The following PLCXD3 variants were observed in gnomAD, a reference collection of about 807,000 sequenced individuals.
PLCXD3 encodes phosphatidylinositol specific phospholipase C X domain containing 3.
PLCXD3 carries 19 observed loss-of-function variants against 25.5 expected under a neutral mutation model. The observed-to-expected ratio is 0.75, with a 90% CI of 0.52 to 1.09. The LOEUF (loss-of-function observed/expected upper bound fraction) is 1.09, where lower values mean the gene tolerates loss of function less well. Among genes scored for constraint, PLCXD3 ranks in the 50% least tolerant of loss-of-function variants. The probability of loss-of-function intolerance (pLI) is 0.00; values close to 1 mark genes in which losing one functional copy is unlikely to be tolerated. For synonymous variants in PLCXD3, 174 were observed against 137.6 expected, an observed-to-expected ratio of 1.26 and a Z score of -1.85; for missense variants, 411 against 388.1, an observed-to-expected ratio of 1.06 and a Z score of -0.50.
chr5:41,414,920 T>C (rs1410566411), intron 1 of PLCXD3, among the ~76,000 whole-genome samples: 1 of 152,222 alleles, frequency 6.6e-6, no homozygotes, highest in Non-Finnish European at 1.5e-5. Context: ...TATGCGATAA[T>C]GGCCTGAAAG....
Position 41,382,351 on chromosome 5 carries a change from T to A in PLCXD3, c.287A>T (p.Asp96Val). 6.2e-7 allele frequency: 1 copy of A among 1,613,426 alleles called. No homozygotes were observed. Among genetic ancestry groups the A allele is most frequent in the Non-Finnish European group, 8.5e-7 (1 of 1,179,694 alleles). ...GQLGAGIRYF[D>V]LRISTKPRDP... ...TCTGGGCTTGGTGGAAATTCGAAGA[T>A]CAAAATAACGAATTCCAGCTCCTAG... The change falls in exon 2 of 3, where the codon GAT becomes GTT. Residue 96 changes from aspartate to valine, a missense_variant. Transcript: ENST00000377801.
At chr5:41,329,384 T>C (rs1459132148) in intron 2 of PLCXD3, among the ~76,000 whole-genome samples, 1 of 152,212 alleles carries the variant, frequency 6.6e-6, no homozygotes, top group Non-Finnish European at 1.5e-5. Flanking sequence ...GCCTGGGTGC[T>C]TAGCACAGTG....
chr5:41,388,927 T>C (rs1745724288), intron 1 of PLCXD3, among the ~76,000 whole-genome samples: 1 of 151,456 alleles, frequency 6.6e-6, no homozygotes, highest in South Asian at 2.1e-4. Context: ...ACATATATTT[T>C]ATATTTCATT....
At chr5:41,381,801 C>CT in intron 2 of PLCXD3, 25 bp downstream of exon 2, 1 of 1,566,532 alleles carries the variant, frequency 6.4e-7, no homozygotes, top group Non-Finnish European at 8.7e-7. Flanking sequence ...TTGAGGTTTC[C>CT]CCCTGACATT....
At chr5:41,488,913 T>G (rs1235848014) in intron 1 of PLCXD3, among the ~76,000 whole-genome samples, 1 of 151,726 alleles carries the variant, frequency 6.6e-6, no homozygotes, top group Non-Finnish European at 1.5e-5. Context: ...TCTTTTGCTG[T>G]GCAGAAGCTC....
intron 2 of PLCXD3, among the ~76,000 whole-genome samples, chr5:41,349,921 T>C (rs2150480602): frequency 6.6e-6 from 1 of 150,964 alleles, no homozygotes; most frequent in African/African-American, 2.5e-5. Flanking sequence ...ACATGCAGGA[T>C]TGGATTTTTT....
chr5:41,403,291 T>G (rs1452240278), intron 1 of PLCXD3, among the ~76,000 whole-genome samples: 3 of 150,988 alleles, frequency 2.0e-5, no homozygotes, highest in Non-Finnish European at 4.4e-5. Context: ...TTTTTTTTTT[T>G]TTCTATTTAA....
chr5:41,403,407 T>TTTTTTTTTTTTTTTTTG (rs1554047960), intron 1 of PLCXD3, among the ~76,000 whole-genome samples: 3 of 34,476 alleles, frequency 8.7e-5, no homozygotes, highest in Non-Finnish European at 2.1e-4. Flanking sequence ...TGTTGTTTTT[T>TTTTTTTTTTTTTTTTTG]TTTTTTTTTA....
intron 2 of PLCXD3, among the ~76,000 whole-genome samples, chr5:41,363,627 A>G (rs1415047669): frequency 6.6e-6 from 1 of 152,216 alleles, no homozygotes; most frequent in Non-Finnish European, 1.5e-5. Flanking sequence ...ATGAGGAAAG[A>G]AAAATCCATC....
intron 2 of PLCXD3, among the ~76,000 whole-genome samples, chr5:41,365,704 T>A (rs980709936): frequency 6.6e-6 from 1 of 152,172 alleles, no homozygotes; most frequent in Non-Finnish European, 1.5e-5. Context: ...TTCTCTAAAG[T>A]CATACCATAA....
intron 1 of PLCXD3, among the ~76,000 whole-genome samples, chr5:41,403,408 T>TTTTTTTTTTTGTTTTTA (rs1554047966): frequency 7.6e-5 from 2 of 26,250 alleles, no homozygotes; most frequent in Non-Finnish European, 1.9e-4. Flanking sequence ...GTTGTTTTTT[T>TTTTTTTTTTTGTTTTTA]TTTTTTTTAT....
intron 1 of PLCXD3, among the ~76,000 whole-genome samples, chr5:41,489,662 A>G (rs897157636): frequency 6.6e-6 from 1 of 151,754 alleles, no homozygotes; most frequent in Non-Finnish European, 1.5e-5. Flanking sequence ...TGTAAGTTGG[A>G]TTCCTAGGTA....
At chr5:41,367,908 A>T (rs981877768) in intron 2 of PLCXD3, among the ~76,000 whole-genome samples, 2 of 152,088 alleles carry the variant, frequency 1.3e-5, no homozygotes, top group Non-Finnish European at 2.9e-5. Flanking sequence ...TCCTTTTCTC[A>T]TTGCTCATTT....
In PLCXD3 at chr5:41,463,165, C is replaced by A. The variant is rs77639343; in HGVS notation, c.103+47259G>T. Among the ~76,000 whole-genome samples, 832 of 152,124 alleles carry A rather than the reference C, an allele frequency of 5.5e-3. 3 individuals carry two copies. The highest frequency in any genetic ancestry group is 9.4e-3 in the Non-Finnish European group (642 of 67,958). ...ATACAACAGGGTAATCTCACCTAAC[C>A]ATTGATTCCACCTGTATTCATCAGT... On this transcript the variant is annotated intron_variant, in intron 1 of 2. Transcript: ENST00000377801.
intron 1 of PLCXD3, among the ~76,000 whole-genome samples, chr5:41,403,802 C>T (rs1402937663): frequency 6.8e-6 from 1 of 146,882 alleles, no homozygotes. Context: ...TCCAGTCTAT[C>T]ATTGTTGGAC....
intron 2 of PLCXD3, among the ~76,000 whole-genome samples, chr5:41,379,505 G>A (rs185804695): frequency 6.6e-5 from 10 of 152,120 alleles, no homozygotes; most frequent in East Asian, 1.9e-4. Context: ...CATCTAGAAC[G>A]TTGGGTCTCA....
At chr5:41,470,779 A>C (rs1748137094) in intron 1 of PLCXD3, among the ~76,000 whole-genome samples, 1 of 152,194 alleles carries the variant, frequency 6.6e-6, no homozygotes, top group South Asian at 2.1e-4. Context: ...AGAAAAAAGA[A>C]AAGAAAAAGA....
At chr5:41,348,966 G>A (rs1744378154) in intron 2 of PLCXD3, among the ~76,000 whole-genome samples, 1 of 152,192 alleles carries the variant, frequency 6.6e-6, no homozygotes, top group South Asian at 2.1e-4. Flanking sequence ...CCATGTACTT[G>A]CTCTGGTTTT....
intron 2 of PLCXD3, among the ~76,000 whole-genome samples, chr5:41,346,052 T>C (rs1744293855): frequency 6.6e-6 from 1 of 152,104 alleles, no homozygotes; most frequent in African/African-American, 2.4e-5. Context: ...GCTAATTTTT[T>C]GTATTTTTAG....
Sources: gnomAD v4.1 joint callset for allele counts (sites outside exome capture counted in the v4.1 genomes callset) on GRCh38, gnomAD v4.1.1 for gene constraint, MANE v1.5 for transcripts, NCBI Gene and HGNC (gene_info 2026-07-23, HGNC 2026-07-21) for gene names.